Variants in TGFB2 observed in about 807,000 individuals in gnomAD.
TGFB2 encodes transforming growth factor beta 2.
Under a neutral mutation model 42.7 loss-of-function variants are expected in TGFB2, and 13 were observed. The observed-to-expected ratio is 0.30, with a 90% CI of 0.20 to 0.48. The LOEUF (loss-of-function observed/expected upper bound fraction) is 0.48. Among genes scored for constraint, TGFB2 ranks in the 20% least tolerant of loss-of-function variants. The probability of loss-of-function intolerance (pLI) is 0.99; values close to 1 mark genes in which losing one functional copy is unlikely to be tolerated. For missense variants in TGFB2, 390 were observed against 517.5 expected (o/e 0.75, Z 2.39); for synonymous variants, 193 against 193.6 (o/e 1.00, Z 0.03).
At chr1:218,351,217 G>A (rs779392627) in intron 1 of TGFB2, among the ~76,000 whole-genome samples, 3 of 152,198 alleles carry the variant, frequency 2.0e-5, no homozygotes, top group Non-Finnish European at 4.4e-5. Flanking sequence ...AAATGTTAGC[G>A]ATTGCTGGAA....
At chr1:218,362,655 G>A (rs1657252230) in intron 1 of TGFB2, among the ~76,000 whole-genome samples, 1 of 152,180 alleles carries the variant, frequency 6.6e-6, no homozygotes, top group Non-Finnish European at 1.5e-5. Flanking sequence ...TATTTTGTGG[G>A]GGAGGGGGTG....
At chr1:218,400,902 A>C (rs893830037) in intron 1 of TGFB2, among the ~76,000 whole-genome samples, 1 of 152,150 alleles carries the variant, frequency 6.6e-6, no homozygotes, top group African/African-American at 2.4e-5. Context: ...GGTAGGAGGC[A>C]GAGAGTCCTG....
intron 1 of TGFB2, among the ~76,000 whole-genome samples, chr1:218,402,752 AC>A (rs1300894740): frequency 2.0e-5 from 3 of 152,224 alleles, no homozygotes; most frequent in African/African-American, 7.2e-5. Context: ...GACAGGAAAC[AC>A]GCTAAATTAG....
intron 1 of TGFB2, among the ~76,000 whole-genome samples, chr1:218,381,594 C>T (rs1657964494): frequency 6.6e-6 from 1 of 152,164 alleles, no homozygotes. Flanking sequence ...GGAGTAGAAT[C>T]TGGGTCTGCT....
At chr1:218,409,204 C>T (rs1038982976) in intron 2 of TGFB2, among the ~76,000 whole-genome samples, 3 of 152,104 alleles carry the variant, frequency 2.0e-5, no homozygotes, top group Admixed American at 6.6e-5. Context: ...CTGTGCGGCC[C>T]GGCTCCTGAT....
intron 1 of TGFB2, among the ~76,000 whole-genome samples, chr1:218,389,196 G>C (rs778781494): frequency 6.6e-6 from 1 of 152,182 alleles, no homozygotes; most frequent in African/African-American, 2.4e-5. Flanking sequence ...ACACTATGAA[G>C]ACCTAAAGGA....
chr1:218,350,484 T>A (rs1490436137), intron 1 of TGFB2, among the ~76,000 whole-genome samples: 1 of 152,250 alleles, frequency 6.6e-6, no homozygotes, highest in Non-Finnish European at 1.5e-5. Context: ...CTGACCACAA[T>A]GTCAGTAATG....
At chr1:218,358,962 G>T (rs1657127221) in intron 1 of TGFB2, among the ~76,000 whole-genome samples, 1 of 152,262 alleles carries the variant, frequency 6.6e-6, no homozygotes, top group South Asian at 2.1e-4. Context: ...CTGTGCAAAG[G>T]ATGGGTGGTT....
chr1:218,414,499 G>T (rs1659209203), intron 2 of TGFB2, among the ~76,000 whole-genome samples: 1 of 151,978 alleles, frequency 6.6e-6, no homozygotes, highest in African/African-American at 2.4e-5. Context: ...CCTAAAAAAA[G>T]AATAAAAAAC....
intron 4 of TGFB2, among the ~76,000 whole-genome samples, chr1:218,434,704 C>A (rs1215243627): frequency 2.0e-5 from 3 of 152,176 alleles, no homozygotes; most frequent in Admixed American, 1.3e-4. Flanking sequence ...ATTAACCCTC[C>A]AGTAGTAAGT....
chr1:218,440,607 A>C (rs976274470), intron 6 of TGFB2, among the ~76,000 whole-genome samples: 5 of 152,204 alleles, frequency 3.3e-5, no homozygotes, highest in Non-Finnish European at 2.9e-5. Flanking sequence ...AGGTAGATTA[A>C]AGCTCTTATG....
intron 2 of TGFB2, among the ~76,000 whole-genome samples, chr1:218,428,024 T>C (rs1461614472): frequency 1.3e-5 from 2 of 152,206 alleles, no homozygotes; most frequent in African/African-American, 4.8e-5. Context: ...ATGACTGCCA[T>C]TCTAACTGGT....
intron 1 of TGFB2, among the ~76,000 whole-genome samples, chr1:218,388,817 T>TC (rs1658222922): frequency 6.6e-6 from 1 of 152,198 alleles, no homozygotes; most frequent in Non-Finnish European, 1.5e-5. Context: ...ATCGCTCTTG[T>TC]CAGAGTATCA....
chr1:218,352,139 C>T (rs1656888200), intron 1 of TGFB2, among the ~76,000 whole-genome samples: 1 of 151,326 alleles, frequency 6.6e-6, no homozygotes, highest in African/African-American at 2.4e-5. Flanking sequence ...CCCACCCCAC[C>T]CCGCCCCATT....
intron 1 of TGFB2, among the ~76,000 whole-genome samples, chr1:218,367,888 C>T (rs776211615): frequency 3.3e-5 from 5 of 152,148 alleles, no homozygotes; most frequent in Non-Finnish European, 7.3e-5. Flanking sequence ...CTGCAACCTC[C>T]GCCTCCCAGG....
chr1:218,355,839 A>G (rs1400387133), intron 1 of TGFB2, among the ~76,000 whole-genome samples: 1 of 152,250 alleles, frequency 6.6e-6, no homozygotes, highest in Non-Finnish European at 1.5e-5. Context: ...CATTAACTAA[A>G]TGTCACTGCC....
intron 1 of TGFB2, among the ~76,000 whole-genome samples, chr1:218,388,819 A>G (rs1199188466): frequency 1.3e-5 from 2 of 152,210 alleles, no homozygotes; most frequent in Non-Finnish European, 2.9e-5. Flanking sequence ...CGCTCTTGTC[A>G]GAGTATCAGT....
In TGFB2 at chr1:218,441,283, C is replaced by T. The variant is rs776191174; in HGVS notation, c.1166C>T (p.Thr389Ile). ...GTGTCCCAAGATTTAGAACCTCTAA[C>T]CATTCTCTACTACATTGGCAAAACA... Reference protein sequence around the residue: ...CCVSQDLEPLTILYYIGKTPK... With the variant: ...CCVSQDLEPLIILYYIGKTPK... Residue 389 changes from threonine to isoleucine, a missense_variant, in exon 7 of 7, where the codon ACC becomes ATC. Transcript: ENST00000366930. 6.2e-7 allele frequency: 1 copy of T among 1,613,892 alleles called. No individual in the cohort carries two copies. The highest frequency in any genetic ancestry group is 8.5e-7 in the Non-Finnish European group (1 of 1,179,914).
At chr1:218,350,155 A>T (rs1656824047) in intron 1 of TGFB2, among the ~76,000 whole-genome samples, 1 of 152,244 alleles carries the variant, frequency 6.6e-6, no homozygotes, top group Admixed American at 6.5e-5. Context: ...AATTCAAATA[A>T]TTGACATGTA....
Sources: allele counts gnomAD v4.1 joint callset (sites outside exome capture counted in the v4.1 genomes callset), GRCh38; gene constraint gnomAD v4.1.1; transcripts MANE v1.5; gene names NCBI Gene and HGNC (gene_info 2026-07-23, HGNC 2026-07-21).